Variants in PCDH7 observed in about 807,000 individuals in gnomAD.
PCDH7 encodes the protein protocadherin-7.
Under a neutral mutation model 58.9 loss-of-function variants are expected in PCDH7, and 17 were observed. That is an observed-to-expected ratio of 0.29 (90% confidence interval 0.20 to 0.43). The LOEUF (loss-of-function observed/expected upper bound fraction) is 0.43. PCDH7 is among the 20% of genes least tolerant of loss of function. PCDH7 has a pLI of 1.00. For synonymous variants in PCDH7, 664 were observed against 616.4 expected (o/e 1.08, Z -1.14); for missense variants, 1,274 against 1,441.0 (o/e 0.88, Z 1.88).
chr4:31,018,284 A>G (rs757789251), intron 3 of PCDH7, among the ~76,000 whole-genome samples: 9 of 152,166 alleles, frequency 5.9e-5, no homozygotes, highest in African/African-American at 1.2e-4. Flanking sequence ...ATATTCACCA[A>G]TGTAACTTGG....
At chr4:30,763,961 T>G (rs1424334782) in intron 1 of PCDH7, among the ~76,000 whole-genome samples, 1 of 152,120 alleles carries the variant, frequency 6.6e-6, no homozygotes, top group Non-Finnish European at 1.5e-5. Context: ...ATGTAGGAAA[T>G]CTCACATAAT....
intron 3 of PCDH7, among the ~76,000 whole-genome samples, chr4:30,977,713 T>C (rs890828942): frequency 6.6e-6 from 1 of 152,182 alleles, no homozygotes; most frequent in Non-Finnish European, 1.5e-5. Context: ...CTCTTCATAG[T>C]GTGAGTCATG....
intron 1 of PCDH7, among the ~76,000 whole-genome samples, chr4:30,775,525 A>C (rs372642448): frequency 1.3e-5 from 2 of 152,096 alleles, no homozygotes; most frequent in Admixed American, 1.3e-4. Flanking sequence ...AAGAATGACA[A>C]ATTTTGTTTC....
intron 1 of PCDH7, among the ~76,000 whole-genome samples, chr4:30,918,782 A>G (rs1321282971): frequency 2.6e-5 from 4 of 152,148 alleles, no homozygotes; most frequent in African/African-American, 4.8e-5. Flanking sequence ...CTACTGGGTT[A>G]AAAATACCAA....
Position 30,723,169 on chromosome 4 carries a change from G to A in PCDH7, c.1747G>A (p.Ala583Thr), listed in dbSNP as rs775875357. 8.7e-6 allele frequency: 14 copies of A among 1,614,128 alleles called. No individual in the cohort carries two copies. The Admixed American group carries it at 2.0e-4, about 23-fold the overall frequency. ...GGACTCCTCTGTGATGGGGATCTTTGCCATCGATCCCGATTCTGGGGACAT... is the reference window on the plus strand; with the variant it reads ...GGACTCCTCTGTGATGGGGATCTTTACCATCGATCCCGATTCTGGGGACAT... The change falls in exon 1 of 2, where the codon GCC becomes ACC. Residue 583 changes from alanine (A) to threonine (T), a missense_variant. Physicochemically the swap from Ala to Thr is moderately conservative, Grantham distance 58 (BLOSUM62 0). Around this residue, in one of 3 missense-constraint regions of PCDH7, gnomAD observed 731 missense variants for 881.9 expected, o/e 0.83. Transcript: ENST00000361762. This position sits in a 1 kb window ranked among gnomAD's most constrained non-coding sequence, Gnocchi z 4.6.
At chr4:31,016,783 T>TTG (rs142533678) in intron 3 of PCDH7, among the ~76,000 whole-genome samples, 33 of 150,664 alleles carry the variant, frequency 2.2e-4, no homozygotes, top group Non-Finnish European at 3.0e-4. Flanking sequence ...ATAAGGGCTA[T>TTG]TGTGTGTGTG....
intron 1 of PCDH7, among the ~76,000 whole-genome samples, chr4:30,831,643 C>T (rs1399479720): frequency 1.3e-5 from 2 of 152,056 alleles, no homozygotes; most frequent in Non-Finnish European, 2.9e-5. Flanking sequence ...TGTATACACC[C>T]TCTCTCATCA....
intron 1 of PCDH7, among the ~76,000 whole-genome samples, chr4:30,783,835 G>A (rs1374651): frequency 0.36 from 54,406 of 151,934 alleles, 10,629 homozygotes; most frequent in African/African-American, 0.51. Context: ...AAAGTTCTCA[G>A]CTTAATTTAG....
chr4:30,743,849 G>C (rs535299283), intron 1 of PCDH7, among the ~76,000 whole-genome samples: 24 of 152,024 alleles, frequency 1.6e-4, no homozygotes, highest in Non-Finnish European at 3.4e-4. Flanking sequence ...AACTTTGGGG[G>C]AATATTGGCG....
At position 30,792,887 on chromosome 4, in the gene PCDH7, C is replaced by T. The variant is rs539227069; in HGVS notation, c.70+68291C>T. On this transcript the variant is annotated intron_variant, in intron 1 of 3. Transcript: ENST00000509759. The stretch of plus-strand genomic sequence containing the variant: ...CTGGCTGCCTCCCGATAATACATTT[C>T]GAGTGGGTACAGTATTCTAACATTC... Among the ~76,000 whole-genome samples the T allele has an allele frequency of 3.3e-5, 5 of 152,184 alleles. No homozygotes were observed. The South Asian group carries it at 1.0e-3, about 32-fold the overall frequency.
chr4:30,935,733 G>A (rs183860347), intron 2 of PCDH7, among the ~76,000 whole-genome samples: 223 of 152,200 alleles, frequency 1.5e-3, no homozygotes, highest in African/African-American at 5.2e-3. Context: ...GATTATCACC[G>A]ATCACAGAGT....
At chr4:31,103,856 A>G (rs1003397291) in intron 3 of PCDH7, among the ~76,000 whole-genome samples, 1 of 152,196 alleles carries the variant, frequency 6.6e-6, no homozygotes, top group African/African-American at 2.4e-5. Context: ...ATAGCACTGA[A>G]CACCACCAAC....
At chr4:31,090,602 G>A (rs1713110708) in intron 3 of PCDH7, among the ~76,000 whole-genome samples, 2 of 152,122 alleles carry the variant, frequency 1.3e-5, no homozygotes, top group East Asian at 1.9e-4. Context: ...TTGTAAAAAG[G>A]TAATTCAATC....
intron 1 of PCDH7, among the ~76,000 whole-genome samples, chr4:30,902,759 T>G (rs138476307): frequency 2.6e-5 from 4 of 152,154 alleles, no homozygotes; most frequent in Non-Finnish European, 5.9e-5. Flanking sequence ...ATTTTAGATA[T>G]GGCTCACCAA....
At chr4:31,079,351 T>TATATATATATATATATAG (rs1759302779) in intron 3 of PCDH7, among the ~76,000 whole-genome samples, 1 of 83,486 alleles carries the variant, frequency 1.2e-5, no homozygotes, top group Non-Finnish European at 2.3e-5. Flanking sequence ...TATATATATA[T>TATATATATATATATATAG]ATATATATAT....
chr4:30,744,230 G>T (rs1042901613), intron 1 of PCDH7, among the ~76,000 whole-genome samples: 1 of 152,016 alleles, frequency 6.6e-6, no homozygotes, highest in Non-Finnish European at 1.5e-5. Context: ...CAGTGTCCCA[G>T]CTGCATTGAA....
chr4:30,782,234 A>G (rs1325991818), intron 1 of PCDH7, among the ~76,000 whole-genome samples: 1 of 152,182 alleles, frequency 6.6e-6, no homozygotes, highest in East Asian at 1.9e-4. Context: ...AAACATGCCA[A>G]AAATGGAGAT....
intron 3 of PCDH7, among the ~76,000 whole-genome samples, chr4:31,132,291 C>G (rs1303185559): frequency 1.3e-5 from 2 of 152,038 alleles, no homozygotes; most frequent in Non-Finnish European, 2.9e-5. Flanking sequence ...TTTCCCCCAT[C>G]TTTTTATTTG....
chr4:30,857,137 T>G (rs1002234833), intron 1 of PCDH7, among the ~76,000 whole-genome samples: 1 of 152,138 alleles, frequency 6.6e-6, no homozygotes, highest in Non-Finnish European at 1.5e-5. Context: ...CCACTCTTGT[T>G]TGAATCTCAT....
Sources: allele counts gnomAD v4.1 joint callset (sites outside exome capture counted in the v4.1 genomes callset), GRCh38; gene constraint gnomAD v4.1.1; regional missense constraint gnomAD v4.1.1; non-coding constraint Gnocchi (gnomAD v3.1); transcripts MANE v1.5; gene names NCBI Gene and HGNC (gene_info 2026-07-23, HGNC 2026-07-21).